SRCIN1: variants seen among roughly 807,000 people sequenced by gnomAD.
The protein encoded by SRCIN1 is SRC kinase signaling inhibitor 1.
Under a neutral mutation model 116.2 loss-of-function variants are expected in SRCIN1, and 50 were observed. The observed-to-expected ratio is 0.43, with a 90% CI of 0.34 to 0.54. SRCIN1 has a LOEUF of 0.54. SRCIN1 is among the 20% of genes least tolerant of loss of function. The pLI is 0.02. For synonymous variants in SRCIN1, 736 were observed against 750.0 expected, an observed-to-expected ratio of 0.98 and a Z score of 0.30; for missense variants, 1,446 against 1,672.0, an observed-to-expected ratio of 0.86 and a Z score of 2.36.
intron 2 of SRCIN1, among the ~76,000 whole-genome samples, chr17:38,570,997 T>A (rs893018754): frequency 6.6e-6 from 1 of 152,176 alleles, no homozygotes; most frequent in Non-Finnish European, 1.5e-5. Context: ...CTCTGGAAAG[T>A]GGGAAGAATG....
intron 1 of SRCIN1, among the ~76,000 whole-genome samples, chr17:38,588,659 C>G (rs779869684): frequency 6.6e-6 from 1 of 152,192 alleles, no homozygotes; most frequent in Non-Finnish European, 1.5e-5. Flanking sequence ...GATCTTTCCT[C>G]CCTCCCTGCA....
At chr17:38,580,440 C>A (rs1052557078) in intron 1 of SRCIN1, among the ~76,000 whole-genome samples, 1 of 152,186 alleles carries the variant, frequency 6.6e-6, no homozygotes, top group East Asian at 1.9e-4. Flanking sequence ...CAGGGCCTGA[C>A]CACCTGCCTC....
rs191635707 is a variant in SRCIN1, at chr17:38,539,288, G to A, written c.3417+4535C>T. On this transcript the variant is annotated intron_variant, in intron 18 of 18. Coordinates refer to ENST00000617146, the MANE Select transcript of SRCIN1 (RefSeq NM_025248.3). ...CGGAACCAATTATGGGGGGGCTCAC[G>A]TATGTTGCCCAGGCTGGTCTCGAAC... Among the ~76,000 whole-genome samples, 11 of 152,254 alleles carry A rather than the reference G, an allele frequency of 7.2e-5. No individual in the cohort carries two copies. The South Asian group carries it at 1.5e-3, about 20-fold the overall frequency.
Position 38,561,932 on chromosome 17 carries a change from C to A in SRCIN1, c.1231G>T (p.Ala411Ser). 6.9e-7 allele frequency: 1 copy of A among 1,455,456 alleles called. No homozygotes were observed. The allele number at this position is 1,455,456 out of a possible 1,614,324, so 90.2% of individuals were successfully genotyped here. A position where few individuals can be genotyped will look rare whatever the true frequency, so the allele number is the denominator to read the frequency against. Residue 411 changes from alanine (A) to serine (S), a missense_variant, in exon 7 of 19, where the codon GCC becomes TCC. Ala to Ser is a moderately conservative substitution (Grantham distance 99). Around this residue, in one of 5 missense-constraint regions of SRCIN1, gnomAD observed 239 missense variants for 317.7 expected, o/e 0.75. Transcript: ENST00000617146. The part of the protein sequence containing the change: ...GLLHEGRLSL[A>S]AAAGDPFAYP... ...GCGAACGGGTCGCCGGCGGCCGCGG[C>A]CAGGCTCAGACGGCCCTCGTGCAGC...
At position 38,558,083 on chromosome 17, in the gene SRCIN1, C is replaced by A; in HGVS notation, c.2201+144G>T. The A allele has an allele frequency of 1.1e-6, 1 of 903,680 alleles. No individual in the cohort carries two copies. The highest frequency in any genetic ancestry group is 1.7e-5 in the South Asian group (1 of 59,080). 56.0% of individuals were successfully genotyped at this position (903,680 alleles called of 1,614,324 possible). A position where few individuals can be genotyped will look rare whatever the true frequency, so the allele number is the denominator to read the frequency against. On this transcript the variant is annotated intron_variant, in intron 11 of 18. Transcript: ENST00000617146. The surrounding 1 kb of genome is among the most constrained non-coding windows in gnomAD (Gnocchi z 4.6). ...TTTGTGGGTCACAGTGAAATCAGGC[C>A]AGAGGAGAATGAAATCAGGCTTCAG...
Position 38,560,439 on chromosome 17 carries a change from G to A in SRCIN1, c.1701-14C>T. On this transcript the variant is annotated splice_polypyrimidine_tract_variant and intron_variant, in intron 7 of 18. Transcript: ENST00000617146. Reference sequence around the variant, plus strand: ...TCCATGCGCTCCCTGGGGAGGAAGGGGGTCTGGGCAACCTCGCCTCTGAGC... The same window carrying A: ...TCCATGCGCTCCCTGGGGAGGAAGGAGGTCTGGGCAACCTCGCCTCTGAGC... 2 of 1,601,170 alleles carry A rather than the reference G, an allele frequency of 1.2e-6. No homozygotes were observed. The highest frequency in any genetic ancestry group is 1.3e-5 in the African/African-American group (1 of 74,778).
rs1212545779 is a variant in SRCIN1, at chr17:38,549,151, G to A, written c.3022C>T (p.Pro1008Ser). ...GAGGAGGGGAAGCTCCGGCGGGGAG[G>A]GGGCGGTGGGGGCGACTTGGAGGGC... Reference protein sequence around the residue: ...EKPSKSPPPPPPRRSFPSSHG... With the variant: ...EKPSKSPPPPSPRRSFPSSHG... Residue 1008 changes from proline to serine, a missense_variant, in exon 16 of 19, where the codon CCT (proline) becomes TCT (serine). Around this residue, in one of 5 missense-constraint regions of SRCIN1, gnomAD observed 531 missense variants for 633.9 expected, o/e 0.84. Coordinates refer to ENST00000617146, the MANE Select transcript of SRCIN1 (RefSeq NM_025248.3). 1 of 1,589,356 alleles carries A rather than the reference G, an allele frequency of 6.3e-7. No homozygotes were observed. Among genetic ancestry groups the A allele is most frequent in the Non-Finnish European group, 8.6e-7 (1 of 1,168,556 alleles).
chr17:38,585,840 G>C lies in SRCIN1; in HGVS notation c.23-7049C>G, dbSNP rs796286937. 4.1e-4 allele frequency among the ~76,000 whole-genome samples: 62 copies of C among 152,290 alleles called. No individual in the cohort carries two copies. Among genetic ancestry groups the C allele is most frequent in the African/African-American group, 1.4e-3 (60 of 41,562 alleles). The stretch of plus-strand genomic sequence containing the variant: ...CCTCGGAGATGAGGGCGTGTGATGG[G>C]GGAAGGGCGATGGGGGGAAGGAGGC... On this transcript the variant is annotated intron_variant, in intron 1 of 18. Transcript: ENST00000617146. This position sits in a 1 kb window ranked among gnomAD's most constrained non-coding sequence, Gnocchi z 4.2.
At position 38,605,758 on chromosome 17, in the gene SRCIN1, C is replaced by T. The variant is rs1909324813; in HGVS notation, c.-53G>A. 114 of 907,310 alleles carry T rather than the reference C, an allele frequency of 1.3e-4. No homozygotes were observed. Among genetic ancestry groups the T allele is most frequent in the Non-Finnish European group, 1.5e-4 (112 of 727,418 alleles). The allele number at this position is 907,310 out of a possible 1,614,324, so 56.2% of individuals were successfully genotyped here. A position where few individuals can be genotyped will look rare whatever the true frequency, so the allele number is the denominator to read the frequency against. On this transcript the variant is annotated 5_prime_UTR_variant, in exon 1 of 19. Coordinates refer to ENST00000617146, the MANE Select transcript of SRCIN1 (RefSeq NM_025248.3). ...CCGGGCCGGCCTGCCTGGCGCTCGC[C>T]CTCTCGCCGCCTCGCGGGCTCCTCG...
chr17:38,562,925 G>A lies in SRCIN1; in HGVS notation c.741-5C>T, dbSNP rs753701189. 7 of 1,610,192 alleles carry A rather than the reference G, an allele frequency of 4.3e-6. No homozygotes were observed. The African/African-American group carries it at 5.3e-5, about 12-fold the overall frequency. On this transcript the variant is annotated splice_polypyrimidine_tract_variant and splice_region_variant and intron_variant, in intron 5 of 18. Coordinates refer to ENST00000617146, the MANE Select transcript of SRCIN1 (RefSeq NM_025248.3). The surrounding 1 kb of genome is among the most constrained non-coding windows in gnomAD (Gnocchi z 4.2). ...ATACTGCGGTCCTGGATGTCCCTGG[G>A]AGAGGCGGGGAGACGGGGGTCACCA...
rs2040936909 is a variant in SRCIN1 at position 38,532,596 on chromosome 17, A to C, written c.*701T>G. 1 of 152,072 alleles carries C rather than the reference A, an allele frequency of 6.6e-6. No homozygotes were observed. Among genetic ancestry groups the C allele is most frequent in the Non-Finnish European group, 1.5e-5 (1 of 68,040 alleles). The allele number at this position is 152,072 out of a possible 1,614,324, so 9.4% of individuals were successfully genotyped here. ...GGCCAGCGCCTCCCCAGGGATACAG[A>C]CTCCATGGCCTCACACCCACCCTGA... On this transcript the variant is annotated 3_prime_UTR_variant, in exon 19 of 19. Transcript: ENST00000617146. The surrounding 1 kb of genome is among the most constrained non-coding windows in gnomAD (Gnocchi z 4.3).
chr17:38,601,128 C>T (rs1908997694), intron 1 of SRCIN1: 1 of 152,476 alleles, frequency 6.6e-6, no homozygotes, highest in South Asian at 2.1e-4. Flanking sequence ...TCAGCCAGCC[C>T]ACGCCCCCTC....
intron 18 of SRCIN1, among the ~76,000 whole-genome samples, chr17:38,535,846 G>A (rs973295413): frequency 1.3e-5 from 2 of 152,078 alleles, no homozygotes; most frequent in Admixed American, 6.6e-5. Flanking sequence ...CATGTCCCCC[G>A]GCAAGGTGCT....
In SRCIN1 at chr17:38,562,730, A is replaced by G; in HGVS notation, c.834+97T>C. The G allele has an allele frequency of 9.1e-7, 1 of 1,096,208 alleles. No individual in the cohort carries two copies. The allele number at this position is 1,096,208 out of a possible 1,614,324, so 67.9% of individuals were successfully genotyped here. On this transcript the variant is annotated intron_variant, in intron 6 of 18. Transcript: ENST00000617146. The surrounding 1 kb of genome is among the most constrained non-coding windows in gnomAD (Gnocchi z 4.2). ...CTCAGCCCCTATGCTGTCTTCTCCA[A>G]AGCTGGCCCTGGTTCCAGATGACAA...
intron 9 of SRCIN1, 86 bp downstream of exon 9, chr17:38,559,968 G>A: frequency 7.3e-7 from 1 of 1,362,504 alleles, no homozygotes; most frequent in Non-Finnish European, 1.0e-6. Context: ...TAAGGCCAGT[G>A]ATGTAGCTAT....
chr17:38,546,901 C>T (rs535468504), intron 17 of SRCIN1, among the ~76,000 whole-genome samples: 1 of 122,918 alleles, frequency 8.1e-6, no homozygotes, highest in Non-Finnish European at 1.6e-5. Context: ...GGAGGCTCTC[C>T]TTCTCCAGAG....
chr17:38,579,661 C>T (rs1907668651), intron 1 of SRCIN1, among the ~76,000 whole-genome samples: 1 of 152,168 alleles, frequency 6.6e-6, no homozygotes, highest in Non-Finnish European at 1.5e-5. Context: ...GTACAGGGGA[C>T]AAAGGACAGC....
At chr17:38,542,352 C>G (rs1904802968) in intron 18 of SRCIN1, 2 of 152,828 alleles carry the variant, frequency 1.3e-5, no homozygotes, top group African/African-American at 4.8e-5. Flanking sequence ...AGCCGTGTGG[C>G]CTTGGATTAA....
At chr17:38,537,785 C>T (rs1380648406) in intron 18 of SRCIN1, among the ~76,000 whole-genome samples, 47 of 131,136 alleles carry the variant, frequency 3.6e-4, no homozygotes, top group Non-Finnish European at 1.4e-4. Flanking sequence ...AGCTAGACTC[C>T]GTGTCAAAAA....
Sources: gnomAD v4.1 joint callset for allele counts (sites outside exome capture counted in the v4.1 genomes callset) on GRCh38, gnomAD v4.1.1 for gene constraint, gnomAD v4.1.1 regional missense constraint, Gnocchi (gnomAD v3.1) non-coding constraint, MANE v1.5 for transcripts, NCBI Gene and HGNC (gene_info 2026-07-23, HGNC 2026-07-21) for gene names.